The following SDK2 variants were observed in gnomAD, a reference collection of about 807,000 sequenced individuals.
The protein encoded by SDK2 is protein sidekick-2.
In SDK2, 105 loss-of-function variants were observed where a neutral mutation model predicts 253.9. The observed-to-expected ratio is 0.41, with a 90% CI of 0.35 to 0.49. The LOEUF is 0.49. SDK2 is among the 20% of genes least tolerant of loss of function. The pLI, the probability that SDK2 is intolerant of heterozygous loss-of-function variation, is 0.06. For missense variants in SDK2, 2,608 were observed against 3,003.0 expected (o/e 0.87, Z 3.07); for synonymous variants, 1,249 against 1,234.9 (o/e 1.01, Z -0.24).
At chr17:73,417,328 C>T (rs2063190787) in intron 16 of SDK2, among the ~76,000 whole-genome samples, 2 of 151,644 alleles carry the variant, frequency 1.3e-5, no homozygotes, top group Admixed American at 1.3e-4. Context: ...ATCACTTGAG[C>T]CCAGGAGGTG....
intron 1 of SDK2, among the ~76,000 whole-genome samples, chr17:73,590,524 C>G (rs2045666345): frequency 6.6e-6 from 1 of 152,234 alleles, no homozygotes; most frequent in Non-Finnish European, 1.5e-5. Context: ...TAGTCTTTAA[C>G]AGGGCACACC....
intron 2 of SDK2, among the ~76,000 whole-genome samples, chr17:73,499,561 C>T (rs903141335): frequency 6.6e-6 from 1 of 152,218 alleles, no homozygotes; most frequent in African/African-American, 2.4e-5. Context: ...CTTCATGGCC[C>T]CCGGGGCAGA....
In SDK2 at chr17:73,497,671, C is replaced by T. The variant is rs1037072621; in HGVS notation, c.224+9767G>A. On this transcript the variant is annotated intron_variant, in intron 2 of 44. Coordinates refer to ENST00000392650, the MANE Select transcript of SDK2 (RefSeq NM_001144952.2). ...GACCCATCCGCTCCCACCAAGATGGCCCAGCCGCCCCTCGCAGCACAATGG... is the reference window on the plus strand; with the variant it reads ...GACCCATCCGCTCCCACCAAGATGGTCCAGCCGCCCCTCGCAGCACAATGG... 3.3e-5 allele frequency among the ~76,000 whole-genome samples: 5 copies of T among 152,134 alleles called. 1 individual carries two copies. Among genetic ancestry groups the T allele is most frequent in the African/African-American group, 2.4e-5 (1 of 41,482 alleles).
chr17:73,555,571 C>A (rs2045130738), intron 1 of SDK2, among the ~76,000 whole-genome samples: 1 of 152,178 alleles, frequency 6.6e-6, no homozygotes, highest in African/African-American at 2.4e-5. Flanking sequence ...TATTCCAGTC[C>A]CTGCCATCAG....
chr17:73,633,797 T>C (rs1355444284), intron 1 of SDK2, among the ~76,000 whole-genome samples: 19 of 151,590 alleles, frequency 1.3e-4, no homozygotes, highest in Non-Finnish European at 1.5e-5. Flanking sequence ...CTGGAACAAC[T>C]GGGAGGAGGA....
At chr17:73,593,088 C>T (rs1326942370) in intron 1 of SDK2, among the ~76,000 whole-genome samples, 1 of 152,056 alleles carries the variant, frequency 6.6e-6, no homozygotes, top group South Asian at 2.1e-4. Context: ...AAGCTTACCG[C>T]GCAAATGCCG....
intron 1 of SDK2, among the ~76,000 whole-genome samples, chr17:73,607,663 C>T (rs2045924399): frequency 1.3e-5 from 2 of 152,030 alleles, no homozygotes; most frequent in Admixed American, 1.3e-4. Flanking sequence ...GATCTGCACA[C>T]CCCAAGGTTT....
At chr17:73,573,454 G>T (rs953740657) in intron 1 of SDK2, among the ~76,000 whole-genome samples, 6 of 152,244 alleles carry the variant, frequency 3.9e-5, no homozygotes, top group African/African-American at 1.4e-4. Flanking sequence ...TTCCCCAGAG[G>T]CTTCTCCATC....
chr17:73,402,498 C>T (rs560972052), intron 18 of SDK2, among the ~76,000 whole-genome samples: 2 of 152,336 alleles, frequency 1.3e-5, no homozygotes, highest in South Asian at 2.1e-4. Flanking sequence ...TGTTCAAAAA[C>T]GACTAAGAAT....
intron 1 of SDK2, among the ~76,000 whole-genome samples, chr17:73,539,309 CGTCT>C (rs902756406): frequency 3.5e-4 from 53 of 152,256 alleles, no homozygotes; most frequent in African/African-American, 1.3e-3. Context: ...AGAAATCATT[CGTCT>C]GTCATCAAAG....
At chr17:73,613,627 G>A (rs1355203843) in intron 1 of SDK2, among the ~76,000 whole-genome samples, 1 of 104,714 alleles carries the variant, frequency 9.5e-6, no homozygotes, top group Non-Finnish European at 1.8e-5. Flanking sequence ...CCCTACATAT[G>A]CTCATCCATC....
intron 4 of SDK2, among the ~76,000 whole-genome samples, chr17:73,452,198 C>G (rs982442462): frequency 6.6e-6 from 1 of 152,170 alleles, no homozygotes; most frequent in South Asian, 2.1e-4. Context: ...CCGGGGCATG[C>G]ATGAGGTGGT....
chr17:73,411,234 C>T (rs1193711830), intron 18 of SDK2, among the ~76,000 whole-genome samples: 6 of 152,202 alleles, frequency 3.9e-5, no homozygotes, highest in Admixed American at 3.9e-4. Context: ...CAGTTCTGGA[C>T]CATCCCTCCT....
chr17:73,367,273 T>A (rs1420238400), intron 37 of SDK2, among the ~76,000 whole-genome samples: 1 of 152,036 alleles, frequency 6.6e-6, no homozygotes, highest in African/African-American at 2.4e-5. Context: ...CCTCCCAAAG[T>A]GCTGGGATTA....
At position 73,495,654 on chromosome 17, in the gene SDK2, G is replaced by T. The variant is rs57546272; in HGVS notation, c.224+11784C>A. On this transcript the variant is annotated intron_variant, in intron 2 of 44. Transcript: ENST00000392650. The stretch of plus-strand genomic sequence containing the variant: ...TGTGTGTGTGTGTGTGTTTGTTTGT[G>T]TATGTGTGTGTGTGCATGCGTGCTA... Among the ~76,000 whole-genome samples the T allele has an allele frequency of 1.9e-3, 273 of 143,948 alleles. 1 individual carries two copies. Among genetic ancestry groups the T allele is most frequent in the African/African-American group, 6.6e-3 (259 of 39,410 alleles). 94.4% of individuals were successfully genotyped at this position (143,948 alleles called of 152,430 possible). A position where few individuals can be genotyped will look rare whatever the true frequency, so the allele number is the denominator to read the frequency against.
intron 1 of SDK2, among the ~76,000 whole-genome samples, chr17:73,516,098 C>A (rs907446061): frequency 1.3e-5 from 2 of 152,222 alleles, no homozygotes; most frequent in African/African-American, 4.8e-5. Flanking sequence ...GAAGTTCTTA[C>A]GTCTGAGGCT....
intron 18 of SDK2, among the ~76,000 whole-genome samples, chr17:73,412,535 G>C (rs899077172): frequency 2.5e-4 from 38 of 152,220 alleles, no homozygotes; most frequent in African/African-American, 8.9e-4. Context: ...GAATGTGACT[G>C]TATTTGGAGA....
Position 73,643,904 on chromosome 17 carries a change from G to C in SDK2, c.64+121C>G. 1.2e-6 allele frequency: 1 copy of C among 848,694 alleles called. No homozygotes were observed. The highest frequency in any genetic ancestry group is 1.9e-6 in the Non-Finnish European group (1 of 531,628). The allele number at this position is 848,694 out of a possible 1,614,324, so 52.6% of individuals were successfully genotyped here. On this transcript the variant is annotated intron_variant, in intron 1 of 44. Coordinates refer to ENST00000392650, the MANE Select transcript of SDK2 (RefSeq NM_001144952.2). This position sits in a 1 kb window ranked among gnomAD's most constrained non-coding sequence, Gnocchi z 6.9. The stretch of plus-strand genomic sequence containing the variant: ...GGTGTCTTGAAACTCCCTGGAGAGG[G>C]CTCTGCCACGGCTAAGCCGGGTGTC...
intron 24 of SDK2, among the ~76,000 whole-genome samples, chr17:73,396,719 T>A (rs549442991): frequency 6.6e-6 from 1 of 152,310 alleles, no homozygotes; most frequent in South Asian, 2.1e-4. Flanking sequence ...TATTCCCCCA[T>A]GCAGTCCCTG....
Sources: gnomAD v4.1 joint callset for allele counts (sites outside exome capture counted in the v4.1 genomes callset) on GRCh38, gnomAD v4.1.1 for gene constraint, Gnocchi (gnomAD v3.1) non-coding constraint, MANE v1.5 for transcripts, NCBI Gene and HGNC (gene_info 2026-07-23, HGNC 2026-07-21) for gene names.